PBX1: variants seen among roughly 807,000 people sequenced by gnomAD.
The protein encoded by PBX1 is PBX homeobox 1.
PBX1 carries 6 observed loss-of-function variants against 53.4 expected under a neutral mutation model. The ratio of observed to expected loss-of-function variants is 0.11; its 90% CI spans 0.06 to 0.22. The LOEUF (loss-of-function observed/expected upper bound fraction) is 0.22, where lower values mean the gene tolerates loss of function less well. Ranked by LOEUF, PBX1 falls within the 10% of genes least tolerant of loss-of-function variation. The pLI is 1.00. For synonymous variants in PBX1, 204 were observed against 212.3 expected, an observed-to-expected ratio of 0.96 and a Z score of 0.34; for missense variants, 251 against 551.4, an observed-to-expected ratio of 0.46 and a Z score of 5.46.
chr1:164,594,577 G>A (rs553573685), intron 2 of PBX1, among the ~76,000 whole-genome samples: 6 of 152,162 alleles, frequency 3.9e-5, no homozygotes, highest in South Asian at 2.1e-4. Flanking sequence ...CACTGTGCCC[G>A]GCCAAAATAG....
At chr1:164,703,714 T>C (rs1663264536) in intron 2 of PBX1, among the ~76,000 whole-genome samples, 2 of 152,180 alleles carry the variant, frequency 1.3e-5, no homozygotes, top group South Asian at 4.1e-4. Context: ...CTGGCTGGAC[T>C]CCGTGTGCTG....
intron 2 of PBX1, among the ~76,000 whole-genome samples, chr1:164,635,001 G>C (rs971219968): frequency 2.6e-5 from 4 of 151,262 alleles, no homozygotes; most frequent in African/African-American, 9.7e-5. Context: ...TTAACTCTAA[G>C]GCTGCGAATA....
chr1:164,720,961 A>G (rs1664374199), intron 2 of PBX1, among the ~76,000 whole-genome samples: 1 of 152,166 alleles, frequency 6.6e-6, no homozygotes, highest in Non-Finnish European at 1.5e-5. Flanking sequence ...TTTTAGGTTC[A>G]TCCTCTTGAG....
intron 2 of PBX1, among the ~76,000 whole-genome samples, chr1:164,604,934 C>T (rs1464522582): frequency 6.6e-6 from 1 of 152,048 alleles, no homozygotes; most frequent in African/African-American, 2.4e-5. Flanking sequence ...ACAAGACAAA[C>T]CATCTTCCTT....
chr1:164,876,860 G>A (rs1306934297), intron 2 of PBX1, among the ~76,000 whole-genome samples: 2 of 152,074 alleles, frequency 1.3e-5, no homozygotes, highest in Non-Finnish European at 2.9e-5. Flanking sequence ...ATGATGAAAA[G>A]AGGCACATCC....
intron 2 of PBX1, among the ~76,000 whole-genome samples, chr1:164,587,641 C>T (rs1054073540): frequency 3.3e-5 from 5 of 152,104 alleles, no homozygotes; most frequent in East Asian, 1.9e-4. Context: ...TTTAAATACA[C>T]GGATTCACTT....
In PBX1 at chr1:164,811,932, TGCAA is replaced by T; in HGVS notation, c.838-57_838-54del. The T allele has an allele frequency of 1.0e-5, 15 of 1,471,158 alleles. No individual in the cohort carries two copies. The Admixed American group carries it at 1.2e-4, about 12-fold the overall frequency. 91.1% of individuals were successfully genotyped at this position (1,471,158 alleles called of 1,614,324 possible). A position where few individuals can be genotyped will look rare whatever the true frequency, so the allele number is the denominator to read the frequency against. ...CTCCCATAAAGCCTTTTTTTTCTTC[TGCAA>T]TGTTTCTGAAGGATGAAATGTGAAC... is the stretch of plus-strand genomic sequence containing the variant. On this transcript the variant is annotated intron_variant, in intron 5 of 8. Transcript: ENST00000420696.
intron 2 of PBX1, among the ~76,000 whole-genome samples, chr1:164,870,322 T>TTTCC (rs1558053747): frequency 2.7e-5 from 3 of 109,798 alleles, no homozygotes; most frequent in African/African-American, 1.1e-4. Context: ...TCTTTCTTTC[T>TTTCC]TTCTTTCTTT....
chr1:164,670,281 G>C (rs1039678169), intron 2 of PBX1, among the ~76,000 whole-genome samples: 1 of 152,204 alleles, frequency 6.6e-6, no homozygotes, highest in African/African-American at 2.4e-5. Context: ...GGCTGAAGAA[G>C]TGCTGGGGAG....
At chr1:164,825,832 A>C (rs1386721695) in intron 8 of PBX1, among the ~76,000 whole-genome samples, 3 of 152,202 alleles carry the variant, frequency 2.0e-5, no homozygotes, top group African/African-American at 7.2e-5. Flanking sequence ...GTTTAAAAAA[A>C]GTATATATAC....
chr1:164,822,044 A>G (rs1324405768), intron 8 of PBX1, among the ~76,000 whole-genome samples: 2 of 152,144 alleles, frequency 1.3e-5, no homozygotes, highest in African/African-American at 4.8e-5. Context: ...ACTTTTTTTC[A>G]ATCTGTCTAT....
intron 2 of PBX1, among the ~76,000 whole-genome samples, chr1:164,672,263 G>A (rs536997549): frequency 6.6e-6 from 1 of 152,156 alleles, no homozygotes; most frequent in South Asian, 2.1e-4. Flanking sequence ...TGTCATCGGT[G>A]GGCACTGCTC....
intron 2 of PBX1, among the ~76,000 whole-genome samples, chr1:164,564,271 A>AT (rs958650532): frequency 2.0e-4 from 31 of 152,206 alleles, no homozygotes; most frequent in African/African-American, 7.5e-4. Context: ...TTATTTATTT[A>AT]TTTTTTACAA....
At position 164,881,592 on chromosome 1, in the gene PBX1, GAAGGAAAGGA is replaced by G. The variant is rs71097555; in HGVS notation, n.258-17574_258-17565del. Among the ~76,000 whole-genome samples the G allele has an allele frequency of 9.7e-3, 910 of 94,112 alleles. 9 individuals carry two copies. The highest frequency in any genetic ancestry group is 0.015 in the Non-Finnish European group (728 of 49,760). 61.7% of individuals were successfully genotyped at this position (94,112 alleles called of 152,430 possible). On this transcript the variant is annotated intron_variant and non_coding_transcript_variant, in intron 2 of 2. Coordinates refer to the PBX1 transcript ENST00000558796. ...GAGAGAGAGAGAGGAAGGAAGGGAG[GAAGGAAAGGA>G]AAGGAAAGGAAAGGAAAGGAAGAAG...
chr1:164,568,794 C>G (rs1408444290), intron 2 of PBX1, among the ~76,000 whole-genome samples: 2 of 152,170 alleles, frequency 1.3e-5, no homozygotes, highest in African/African-American at 4.8e-5. Context: ...ATCTGCATCT[C>G]AAAGATGGCA....
intron 2 of PBX1, among the ~76,000 whole-genome samples, chr1:164,646,751 A>C (rs979627093): frequency 2.4e-4 from 37 of 152,278 alleles, no homozygotes; most frequent in African/African-American, 8.9e-4. Context: ...AGCAGGTCCA[A>C]CTACCGCCAT....
At chr1:164,875,988 G>GTATGTATATATATATA (rs1553256088) in intron 2 of PBX1, among the ~76,000 whole-genome samples, 16 of 56,930 alleles carry the variant, frequency 2.8e-4, no homozygotes, top group Non-Finnish European at 5.0e-4. Context: ...TGGTGTATGT[G>GTATGTATATATATATA]TATATATATA....
chr1:164,575,275 A>G (rs1044721330), intron 2 of PBX1, among the ~76,000 whole-genome samples: 5 of 152,222 alleles, frequency 3.3e-5, no homozygotes, highest in African/African-American at 1.2e-4. Context: ...CCTCAGCTGA[A>G]ATACTGAAAT....
chr1:164,577,163 C>A (rs376939352), intron 2 of PBX1, among the ~76,000 whole-genome samples: 4 of 152,204 alleles, frequency 2.6e-5, no homozygotes, highest in Non-Finnish European at 5.9e-5. Context: ...GAAACCCTCC[C>A]GTCTTTTCTG....
Sources: allele counts gnomAD v4.1 joint callset (sites outside exome capture counted in the v4.1 genomes callset), GRCh38; gene constraint gnomAD v4.1.1; transcripts MANE v1.5; gene names NCBI Gene and HGNC (gene_info 2026-07-23, HGNC 2026-07-21).